Variants in TMBIM6 observed in about 807,000 individuals in gnomAD.
TMBIM6 encodes bax inhibitor 1.
In TMBIM6, 13 loss-of-function variants were observed where a neutral mutation model predicts 31.4. The observed-to-expected ratio is 0.41, with a 90% CI of 0.27 to 0.66. The LOEUF is 0.66. Among genes scored for constraint, TMBIM6 ranks in the 30% least tolerant of loss-of-function variants. The probability of loss-of-function intolerance (pLI) is 0.28; values close to 1 mark genes in which losing one functional copy is unlikely to be tolerated. For synonymous variants in TMBIM6, 85 were observed against 101.7 expected (o/e 0.84, Z 0.99); for missense variants, 275 against 289.5 (o/e 0.95, Z 0.36).
Position 49,759,278 on chromosome 12 carries a change from C to T in TMBIM6, c.571C>T (p.Leu191Phe), listed in dbSNP as rs780257579. The stretch of plus-strand genomic sequence containing the variant: ...TGGCTTCGTCCTTTTTGATACTCAA[C>T]TCATTATTGAAAAGGCCGAACATGG... ...MCGFVLFDTQ[L>F]IIEKAEHGDQ... The change falls in exon 8 of 10, where the codon CTC (leucine) becomes TTC (phenylalanine). Residue 191 changes from leucine to phenylalanine, a missense_variant. Transcript: ENST00000267115. 71 of 1,613,916 alleles carry T rather than the reference C, an allele frequency of 4.4e-5. No individual in the cohort carries two copies. The highest frequency in any genetic ancestry group is 1.7e-5 in the Admixed American group (1 of 59,986).
chr12:49,752,566 T>G lies in TMBIM6; in HGVS notation c.56+17T>G. 6.3e-7 allele frequency: 1 copy of G among 1,592,742 alleles called. No homozygotes were observed. On this transcript the variant is annotated intron_variant, in intron 2 of 9. Coordinates refer to ENST00000267115, the MANE Select transcript of TMBIM6 (RefSeq NM_003217.3). ...TTCTCATATGTAAGTGTTTTGACCT[T>G]GACTGGTTTTGTACTGCATTTCTTT...
intron 1 of TMBIM6, chr12:49,741,871 C>T (rs1945300772): frequency 7.9e-6 from 4 of 504,010 alleles, no homozygotes; most frequent in Non-Finnish European, 1.4e-5. Context: ...GTGTCGAGGC[C>T]TCTATTCTGC....
intron 8 of TMBIM6, among the ~76,000 whole-genome samples, chr12:49,759,640 A>C (rs1945674080): frequency 6.6e-6 from 1 of 152,018 alleles, no homozygotes; most frequent in Admixed American, 6.6e-5. Flanking sequence ...TCCCATCTCT[A>C]CTAAAAATAT....
intron 1 of TMBIM6, chr12:49,742,352 C>G: frequency 6.7e-7 from 1 of 1,498,600 alleles, no homozygotes; most frequent in African/African-American, 1.4e-5. Context: ...GCAAGGGCGT[C>G]GTTGGGCAGT....
At chr12:49,762,025 A>T (rs1340304606) in intron 9 of TMBIM6, 1 of 494,928 alleles carries the variant, frequency 2.0e-6, no homozygotes, top group Non-Finnish European at 3.6e-6. Flanking sequence ...AGTGGCAGTA[A>T]ACACAACCTG....
At chr12:49,742,511 A>G (rs1452546900) in intron 1 of TMBIM6, 1 of 453,064 alleles carries the variant, frequency 2.2e-6, no homozygotes, top group Non-Finnish European at 3.8e-6. Flanking sequence ...AACAAAAATC[A>G]CTATGAACTT....
chr12:49,748,156 C>T (rs1465974132), intron 1 of TMBIM6, among the ~76,000 whole-genome samples: 3 of 152,146 alleles, frequency 2.0e-5, no homozygotes, highest in African/African-American at 7.2e-5. Flanking sequence ...CTTGCCTTTG[C>T]CTCCCAAAGT....
Position 49,758,365 on chromosome 12 carries a change from G to GT in TMBIM6, c.336-18_336-17insT. The GT allele has an allele frequency of 6.2e-7, 1 of 1,613,984 alleles. No individual in the cohort carries two copies. Among genetic ancestry groups the GT allele is most frequent in the Non-Finnish European group, 8.5e-7 (1 of 1,179,884 alleles). On this transcript the variant is annotated splice_polypyrimidine_tract_variant and intron_variant, in intron 5 of 9. Coordinates refer to ENST00000267115, the MANE Select transcript of TMBIM6 (RefSeq NM_003217.3). ...GTATACCTGTAGCCCTTAATCTAAT[G>GT]GTCTTTTTTTCTAACAGCATCCTTC...
chr12:49,758,547 T>C (rs1012509140), intron 6 of TMBIM6, 67 bp downstream of exon 6: 9 of 1,563,280 alleles, frequency 5.8e-6, no homozygotes, highest in Non-Finnish European at 7.9e-6. Flanking sequence ...TAGTACTCCT[T>C]CCTTACCCCT....
chr12:49,748,334 A>G (rs1945434728), intron 1 of TMBIM6, among the ~76,000 whole-genome samples: 1 of 152,174 alleles, frequency 6.6e-6, no homozygotes, highest in Non-Finnish European at 1.5e-5. Flanking sequence ...CTAGATGTCC[A>G]CTGCTAAGAA....
At chr12:49,755,809 CTTAA>C in intron 4 of TMBIM6, 54 bp downstream of exon 4, 21 of 1,506,680 alleles carry the variant, frequency 1.4e-5, no homozygotes, top group Non-Finnish European at 1.4e-5. Context: ...TTCAGTATCT[CTTAA>C]TTAGTTCCCC....
chr12:49,752,985 G>A lies in TMBIM6; in HGVS notation c.69G>A (p.Thr23=), dbSNP rs758146322. The change falls in exon 3 of 10, where the codon ACG becomes ACA. Residue 23 remains threonine, a synonymous_variant. Transcript: ENST00000267115. Reference sequence around the variant, plus strand: ...ATTCTTTTCTTAGAACCCCGTCAACGCAGCAGCACCTGAAGAAGGTCTATG... The same window carrying A: ...ATTCTTTTCTTAGAACCCCGTCAACACAGCAGCACCTGAAGAAGGTCTATG... ...LLKFSHITPS[T]QQHLKKVYAS... 4 of 1,613,756 alleles carry A rather than the reference G, an allele frequency of 2.5e-6. No individual in the cohort carries two copies. The highest frequency in any genetic ancestry group is 1.7e-5 in the Admixed American group (1 of 59,948).
intron 6 of TMBIM6, 89 bp downstream of exon 6, chr12:49,758,569 G>C (rs143513179): frequency 1.9e-6 from 3 of 1,545,890 alleles, no homozygotes; most frequent in African/African-American, 2.7e-5. Flanking sequence ...ACTCCTTTGC[G>C]ACTATTGAGT....
chr12:49,742,983 CTTTT>C (rs62678761), intron 1 of TMBIM6, among the ~76,000 whole-genome samples: 11 of 79,056 alleles, frequency 1.4e-4, no homozygotes, highest in African/African-American at 4.5e-5. Flanking sequence ...CCTTCCTCCT[CTTTT>C]TTTTTTTTTT....
intron 8 of TMBIM6, among the ~76,000 whole-genome samples, chr12:49,761,339 C>G (rs1197306385): frequency 5.3e-5 from 8 of 151,748 alleles, no homozygotes; most frequent in African/African-American, 1.9e-4. Flanking sequence ...TCAGCCTCCT[C>G]AGTAGCTGGG....
At chr12:49,756,739 TTTG>T (rs1945604892) in intron 4 of TMBIM6, among the ~76,000 whole-genome samples, 1 of 148,014 alleles carries the variant, frequency 6.8e-6, no homozygotes, top group African/African-American at 2.5e-5. Context: ...TTTTTGTTTT[TTTG>T]TTTTTTTTTT....
chr12:49,742,266 G>T lies in TMBIM6; in HGVS notation c.-31+655G>T, dbSNP rs1310957510. 3 of 1,604,412 alleles carry T rather than the reference G, an allele frequency of 1.9e-6. No individual in the cohort carries two copies. In the African/African-American group the frequency reaches 4.0e-5, roughly 22 times the overall value. ...GGGCGGCCCCGCTCTTTTCGGATTG[G>T]TTACCTTTGGGCAGGTGAGGTGGCT... On this transcript the variant is annotated intron_variant, in intron 1 of 9. Transcript: ENST00000267115.
Position 49,753,076 on chromosome 12 carries a change from A to T in TMBIM6, c.160A>T (p.Ile54Phe), listed in dbSNP as rs1565919953. The T allele has an allele frequency of 1.2e-6, 2 of 1,613,234 alleles. No homozygotes were observed. The highest frequency in any genetic ancestry group is 1.7e-6 in the Non-Finnish European group (2 of 1,179,656). ...CTATGTCCATATGGTCACTCATTTC[A>T]TTCAGGTAAGAACGATTTTCTCTCC... ...GAYVHMVTHF[I>F]QAGLLSALGS... The change falls in exon 3 of 10, where the codon ATT (isoleucine) becomes TTT (phenylalanine). Residue 54 changes from isoleucine (I) to phenylalanine (F), a missense_variant. By Grantham distance (21) the Ile-to-Phe change is conservative. Coordinates refer to ENST00000267115, the MANE Select transcript of TMBIM6 (RefSeq NM_003217.3).
intron 8 of TMBIM6, among the ~76,000 whole-genome samples, chr12:49,760,681 C>T (rs1269227347): frequency 6.6e-6 from 1 of 151,920 alleles, no homozygotes; most frequent in Non-Finnish European, 1.5e-5. Context: ...GGATTACAGG[C>T]ACTCTCCACC....
Sources: gnomAD v4.1 joint callset for allele counts (sites outside exome capture counted in the v4.1 genomes callset) on GRCh38, gnomAD v4.1.1 for gene constraint, MANE v1.5 for transcripts, NCBI Gene and HGNC (gene_info 2026-07-23, HGNC 2026-07-21) for gene names.